The following DLGAP1 variants were observed in gnomAD, a reference collection of about 807,000 sequenced individuals.
DLGAP1 encodes disks large-associated protein 1.
DLGAP1 carries 11 observed loss-of-function variants against 90.8 expected under a neutral mutation model. The observed-to-expected ratio is 0.12, with a 90% CI of 0.08 to 0.20. DLGAP1 has a LOEUF of 0.20. DLGAP1 is among the 10% of genes least tolerant of loss of function. DLGAP1 has a pLI of 1.00. For synonymous variants in DLGAP1, 558 were observed against 540.7 expected, an observed-to-expected ratio of 1.03 and a Z score of -0.44; for missense variants, 1,050 against 1,333.8, an observed-to-expected ratio of 0.79 and a Z score of 3.31.
intron 9 of DLGAP1, among the ~76,000 whole-genome samples, chr18:3,554,851 G>A (rs2053662233): frequency 2.6e-5 from 4 of 152,138 alleles, no homozygotes; most frequent in Admixed American, 2.6e-4. Context: ...AAGGAAATGA[G>A]TCCCTTGGCC....
chr18:4,319,633 G>A (rs1170988056), intron 1 of DLGAP1, among the ~76,000 whole-genome samples: 2 of 152,256 alleles, frequency 1.3e-5, no homozygotes, highest in East Asian at 1.9e-4. Context: ...CAGAGAAGTC[G>A]GTTGTTGAAA....
At chr18:3,843,796 A>G (rs1419270500) in intron 4 of DLGAP1, among the ~76,000 whole-genome samples, 5 of 152,200 alleles carry the variant, frequency 3.3e-5, no homozygotes, top group Non-Finnish European at 7.3e-5. Context: ...GTTAAAAATT[A>G]ACTGTGATAG....
At chr18:3,667,435 T>C (rs1476190534) in intron 7 of DLGAP1, among the ~76,000 whole-genome samples, 1 of 152,156 alleles carries the variant, frequency 6.6e-6, no homozygotes, top group East Asian at 1.9e-4. Flanking sequence ...ATGAGGCTGA[T>C]AATAGTAGCA....
intron 5 of DLGAP1, among the ~76,000 whole-genome samples, chr18:3,761,367 T>A: frequency 6.6e-6 from 1 of 152,200 alleles, no homozygotes; most frequent in South Asian, 2.1e-4. Context: ...CTGTCTTATA[T>A]TTCTCCTGGC....
At chr18:4,190,593 C>T (rs894495966) in intron 1 of DLGAP1, among the ~76,000 whole-genome samples, 23 of 152,074 alleles carry the variant, frequency 1.5e-4, no homozygotes, top group Non-Finnish European at 1.5e-5. Context: ...ATGCAAGATA[C>T]TAATAATGGG....
chr18:3,676,461 C>T lies in DLGAP1; in HGVS notation c.1591+52674G>A, dbSNP rs115104357. 7.9e-3 allele frequency among the ~76,000 whole-genome samples: 1,198 copies of T among 152,238 alleles called. 16 individuals carry two copies. The highest frequency in any genetic ancestry group is 0.027 in the African/African-American group (1,133 of 41,522). ...TGCCTGTTAAACTTCCGCTCCTAAA[C>T]TCCTCATGAGTGTCCATGTCCTAAA... On this transcript the variant is annotated intron_variant, in intron 7 of 12. Transcript: ENST00000315677.
chr18:4,421,394 C>A (rs1019180408), intron 1 of DLGAP1, among the ~76,000 whole-genome samples: 1 of 152,134 alleles, frequency 6.6e-6, no homozygotes, highest in Non-Finnish European at 1.5e-5. Flanking sequence ...CCAGTGTAAA[C>A]CTCTTTTCAA....
intron 1 of DLGAP1, among the ~76,000 whole-genome samples, chr18:4,187,788 A>G (rs966310967): frequency 1.3e-5 from 2 of 152,152 alleles, no homozygotes; most frequent in African/African-American, 4.8e-5. Flanking sequence ...GCCTGAGGTC[A>G]GGAGTTTGAG....
intron 2 of DLGAP1, among the ~76,000 whole-genome samples, chr18:4,085,039 T>G (rs2075662465): frequency 1.3e-5 from 2 of 152,202 alleles, no homozygotes; most frequent in Non-Finnish European, 2.9e-5. Flanking sequence ...AGGTTTTCTG[T>G]ACTTCTGTGG....
Position 4,234,882 on chromosome 18 carries a change from G to T in DLGAP1, c.-266-83595C>A, listed in dbSNP as rs2078374352. ...AAAGAATAGTTTAAAAGAAGTAAAAGAAAGGCATGTCATAAAAAAAGGATG... is the reference window on the plus strand; with the variant it reads ...AAAGAATAGTTTAAAAGAAGTAAAATAAAGGCATGTCATAAAAAAAGGATG... On this transcript the variant is annotated intron_variant, in intron 1 of 12. Coordinates refer to ENST00000315677, the MANE Select transcript of DLGAP1 (RefSeq NM_004746.4). 2.0e-5 allele frequency among the ~76,000 whole-genome samples: 3 copies of T among 152,104 alleles called. No homozygotes were observed. The South Asian group carries it at 6.2e-4, about 32-fold the overall frequency.
intron 1 of DLGAP1, among the ~76,000 whole-genome samples, chr18:4,414,381 AGC>A (rs1467499457): frequency 6.6e-6 from 1 of 152,226 alleles, no homozygotes; most frequent in Non-Finnish European, 1.5e-5. Context: ...TATGATGCTT[AGC>A]ATATAAATAA....
intron 1 of DLGAP1, among the ~76,000 whole-genome samples, chr18:4,221,580 A>G (rs1156583099): frequency 6.6e-6 from 1 of 152,116 alleles, no homozygotes; most frequent in Non-Finnish European, 1.5e-5. Context: ...CCTCAGAATA[A>G]CACCTGCTGC....
intron 9 of DLGAP1, among the ~76,000 whole-genome samples, chr18:3,561,430 C>T (rs2054104036): frequency 2.0e-5 from 2 of 101,084 alleles, no homozygotes; most frequent in African/African-American, 9.7e-5. Flanking sequence ...AGCAAGACTC[C>T]ATCTCCAAAA....
chr18:3,846,745 C>G (rs558701470), intron 4 of DLGAP1, among the ~76,000 whole-genome samples: 1 of 152,192 alleles, frequency 6.6e-6, no homozygotes, highest in Non-Finnish European at 1.5e-5. Flanking sequence ...CCAGAAAAGG[C>G]AGAATCTATA....
chr18:3,972,164 C>G (rs1304015131), intron 3 of DLGAP1, among the ~76,000 whole-genome samples: 1 of 151,908 alleles, frequency 6.6e-6, no homozygotes, highest in Non-Finnish European at 1.5e-5. Flanking sequence ...AGTTTATAAA[C>G]TATATAATAC....
At chr18:4,377,802 C>T (rs900837513) in intron 1 of DLGAP1, among the ~76,000 whole-genome samples, 2 of 151,930 alleles carry the variant, frequency 1.3e-5, no homozygotes, top group African/African-American at 2.4e-5. Context: ...TCAGTAGAGC[C>T]TTTTCAGAAG....
chr18:3,980,762 T>C (rs2149029738), intron 3 of DLGAP1, among the ~76,000 whole-genome samples: 1 of 152,352 alleles, frequency 6.6e-6, no homozygotes, highest in Admixed American at 6.5e-5. Context: ...AAAATAAATA[T>C]TGTATATATT....
chr18:4,211,421 A>T (rs1487520703), intron 1 of DLGAP1, among the ~76,000 whole-genome samples: 2 of 152,210 alleles, frequency 1.3e-5, no homozygotes, highest in East Asian at 1.9e-4. Flanking sequence ...AGGGTTATCA[A>T]GGGAGATTGT....
intron 7 of DLGAP1, among the ~76,000 whole-genome samples, chr18:3,676,332 A>G (rs1197574347): frequency 3.6e-4 from 55 of 152,116 alleles, no homozygotes; most frequent in Non-Finnish European, 2.9e-5. Flanking sequence ...GCCTCCTCAA[A>G]CCTGACTATA....
Sources: allele counts gnomAD v4.1 joint callset (sites outside exome capture counted in the v4.1 genomes callset), GRCh38; gene constraint gnomAD v4.1.1; transcripts MANE v1.5; gene names NCBI Gene and HGNC (gene_info 2026-07-23, HGNC 2026-07-21).